Variants in RANBP2 observed in about 807,000 individuals in gnomAD.
RANBP2 encodes the protein E3 SUMO-protein ligase RanBP2.
A neutral mutation model predicts 303.6 loss-of-function variants in RANBP2; 57 were observed. The observed-to-expected ratio is 0.19, with a 90% CI of 0.15 to 0.23. The LOEUF is 0.23. Ranked by LOEUF, RANBP2 falls within the 10% of genes least tolerant of loss-of-function variation. The pLI, the probability that RANBP2 is intolerant of heterozygous loss-of-function variation, is 1.00. For missense variants in RANBP2, 3,138 were observed against 3,780.8 expected (o/e 0.83, Z 4.46); for synonymous variants, 1,167 against 1,301.5 (o/e 0.90, Z 2.23).
At chr2:109,232,972 A>T in the RANBP2 span, among the ~76,000 whole-genome samples, 3 of 151,840 alleles carry the variant, frequency 2.0e-5, no homozygotes, top group African/African-American at 7.3e-5. Flanking sequence ...GAGACTTGCG[A>T]TAGGGGTGTG....
At chr2:108,738,085 T>G (rs1429854913) in intron 6 of RANBP2, among the ~76,000 whole-genome samples, 1 of 148,082 alleles carries the variant, frequency 6.8e-6, no homozygotes, top group East Asian at 2.0e-4. Context: ...GTCTCAATCT[T>G]TTTTTTTTGA....
the RANBP2 span, among the ~76,000 whole-genome samples, chr2:109,355,267 A>T: frequency 1.2e-4 from 19 of 152,226 alleles, no homozygotes; most frequent in African/African-American, 3.9e-4. Flanking sequence ...AACAAGTTTC[A>T]TTCATAAAAT....
At chr2:109,148,365 G>A in the RANBP2 span, among the ~76,000 whole-genome samples, 1 of 152,212 alleles carries the variant, frequency 6.6e-6, no homozygotes, top group African/African-American at 2.4e-5. Flanking sequence ...ATGTCACTAT[G>A]GCAGAGCTCA....
chr2:109,348,052 G>T, the RANBP2 span: 1 of 1,433,432 alleles, frequency 7.0e-7, no homozygotes, highest in Non-Finnish European at 9.3e-7. Context: ...TTTCTTCAGA[G>T]TCTGAATCCT....
At chr2:109,771,211 T>G in the RANBP2 span, among the ~76,000 whole-genome samples, 1 of 18,012 alleles carries the variant, frequency 5.6e-5, no homozygotes, top group Non-Finnish European at 8.9e-5. Flanking sequence ...CTACTCCAAC[T>G]CACATCTATG....
chr2:108,770,674 AAAG>A (rs1297679675), intron 20 of RANBP2, among the ~76,000 whole-genome samples: 7 of 152,366 alleles, frequency 4.6e-5, no homozygotes, highest in Admixed American at 3.3e-4. Flanking sequence ...AAAAGAATAA[AAAG>A]AAACAGTTAA....
the RANBP2 span, among the ~76,000 whole-genome samples, chr2:108,915,828 C>T: frequency 1.3e-5 from 2 of 151,694 alleles, no homozygotes; most frequent in Admixed American, 1.3e-4. Context: ...ACCCGGGAGG[C>T]GGAGGTTGCA....
chr2:109,455,390 T>A, the RANBP2 span, among the ~76,000 whole-genome samples: 1 of 152,134 alleles, frequency 6.6e-6, no homozygotes, highest in African/African-American at 2.4e-5. Context: ...GCAAACCCAA[T>A]TTGGTCTGAA....
At chr2:108,786,683 C>A (rs1220704490), downstream of RANBP2, 3 of 732,432 alleles carry the variant, frequency 4.1e-6, no homozygotes, top group African/African-American at 3.8e-5. Flanking sequence ...GTCTCCGGGT[C>A]GCCCCGCCCC....
At chr2:108,750,313 T>A (rs1366693811) in intron 9 of RANBP2, among the ~76,000 whole-genome samples, 1 of 152,250 alleles carries the variant, frequency 6.6e-6, no homozygotes, top group Admixed American at 6.5e-5. Context: ...TAATCTTTTT[T>A]ATGAAGTAGT....
At chr2:109,452,401 C>G in the RANBP2 span, among the ~76,000 whole-genome samples, 1 of 152,142 alleles carries the variant, frequency 6.6e-6, no homozygotes, top group Non-Finnish European at 1.5e-5. Flanking sequence ...ATTCTCCAGT[C>G]TGTTTCTGTT....
At chr2:109,651,265 C>T in the RANBP2 span, among the ~76,000 whole-genome samples, 1 of 152,140 alleles carries the variant, frequency 6.6e-6, no homozygotes, top group African/African-American at 2.4e-5. Context: ...CCACATATTA[C>T]TCCCTGGCTC....
chr2:109,203,292 G>A, the RANBP2 span, among the ~76,000 whole-genome samples: 1 of 152,240 alleles, frequency 6.6e-6, no homozygotes, highest in Non-Finnish European at 1.5e-5. Context: ...GAGGCTACAG[G>A]TGGCTCTCTC....
intron 25 of RANBP2, among the ~76,000 whole-genome samples, chr2:108,777,462 C>T (rs1677973610): frequency 6.6e-6 from 1 of 152,154 alleles, no homozygotes; most frequent in African/African-American, 2.4e-5. Context: ...CCTCCCCATT[C>T]TGAAATGCAG....
chr2:109,131,947 T>C, the RANBP2 span, among the ~76,000 whole-genome samples: 1 of 152,202 alleles, frequency 6.6e-6, no homozygotes, highest in Non-Finnish European at 1.5e-5. Context: ...GCTGGGATAA[T>C]AGCATTAGGT....
chr2:109,323,670 T>G, the RANBP2 span, among the ~76,000 whole-genome samples: 1 of 152,244 alleles, frequency 6.6e-6, no homozygotes, highest in Admixed American at 6.5e-5. Flanking sequence ...CCAAGCTCCC[T>G]GAGCCTGTGC....
At chr2:109,110,780 G>A in the RANBP2 span, among the ~76,000 whole-genome samples, 1 of 152,162 alleles carries the variant, frequency 6.6e-6, no homozygotes, top group Non-Finnish European at 1.5e-5. Context: ...CTTGGATGCA[G>A]GTGAGATCAG....
the RANBP2 span, among the ~76,000 whole-genome samples, chr2:109,056,253 A>G: frequency 6.6e-6 from 1 of 152,072 alleles, no homozygotes. Context: ...TGTGATCTTG[A>G]ACTCCTGAGC....
the RANBP2 span, among the ~76,000 whole-genome samples, chr2:109,483,349 C>T: frequency 2.6e-5 from 4 of 152,210 alleles, no homozygotes; most frequent in Non-Finnish European, 5.9e-5. Flanking sequence ...GTGCCTCTCA[C>T]ATGTCCCAGG....
Sources: gnomAD v4.1 joint callset for allele counts (sites outside exome capture counted in the v4.1 genomes callset) on GRCh38, gnomAD v4.1.1 for gene constraint, MANE v1.5 for transcripts, NCBI Gene and HGNC (gene_info 2026-07-23, HGNC 2026-07-21) for gene names.